The following ADCY1 variants were observed in gnomAD, a reference collection of about 807,000 sequenced individuals.
ADCY1 encodes adenylate cyclase type 1.
A neutral mutation model predicts 105.4 loss-of-function variants in ADCY1; 28 were observed. That is an observed-to-expected ratio of 0.27 (90% CI 0.20 to 0.36). ADCY1 has a LOEUF of 0.36. Among genes scored for constraint, ADCY1 ranks in the 10% least tolerant of loss-of-function variants. ADCY1 has a pLI of 1.00. For missense variants in ADCY1, 977 were observed against 1,434.2 expected (o/e 0.68, Z 5.15); for synonymous variants, 655 against 623.8 (o/e 1.05, Z -0.75).
intron 8 of ADCY1, among the ~76,000 whole-genome samples, chr7:45,675,893 G>A (rs951491991): frequency 6.6e-6 from 1 of 152,058 alleles, no homozygotes; most frequent in Non-Finnish European, 1.5e-5. Flanking sequence ...CAATCTGTAC[G>A]TTTATATCTT....
chr7:45,697,386 CTTT>C lies in ADCY1; in HGVS notation c.2455-5971_2455-5969del, dbSNP rs34522967. Among the ~76,000 whole-genome samples the C allele has an allele frequency of 4.6e-5, 5 of 108,274 alleles. No homozygotes were observed. The East Asian group carries it at 1.2e-3, about 26-fold the overall frequency. The allele number at this position is 108,274 out of a possible 152,430, so 71.0% of individuals were successfully genotyped here. On this transcript the variant is annotated intron_variant, in intron 14 of 19. Transcript: ENST00000297323. ...CACTGTTAGCACGAGCTCTCTTTAC[CTTT>C]TTTTTTTTTTTTTTTTTTGAGGTGG... is the stretch of plus-strand genomic sequence containing the variant.
chr7:45,686,460 C>A lies in ADCY1; in HGVS notation c.2328-87C>A. 2 of 1,521,382 alleles carry A rather than the reference C, an allele frequency of 1.3e-6. No homozygotes were observed. Among genetic ancestry groups the A allele is most frequent in the South Asian group, 2.6e-5 (2 of 76,458 alleles). 94.2% of individuals were successfully genotyped at this position (1,521,382 alleles called of 1,614,324 possible). A position where few individuals can be genotyped will look rare whatever the true frequency, so the allele number is the denominator to read the frequency against. Reference sequence around the variant, plus strand: ...TTTTTGGGTGTCACCACCTGAGGGTCACTCTGAACAGTTCTTGGGTTTGGT... The same window carrying A: ...TTTTTGGGTGTCACCACCTGAGGGTAACTCTGAACAGTTCTTGGGTTTGGT... On this transcript the variant is annotated intron_variant, in intron 13 of 19. Coordinates refer to ENST00000297323, the MANE Select transcript of ADCY1 (RefSeq NM_021116.4). This position sits in a 1 kb window ranked among gnomAD's most constrained non-coding sequence, Gnocchi z 4.3.
chr7:45,661,996 G>T (rs762051644), intron 7 of ADCY1, 63 bp from the exon 8 acceptor site: 28 of 1,561,578 alleles, frequency 1.8e-5, no homozygotes, highest in Non-Finnish European at 2.4e-5. Flanking sequence ...GGCATTCCCA[G>T]TCCGAGAGGC....
chr7:45,583,061 G>C (rs1792607163), intron 1 of ADCY1, among the ~76,000 whole-genome samples: 1 of 152,204 alleles, frequency 6.6e-6, no homozygotes, highest in Non-Finnish European at 1.5e-5. Flanking sequence ...CCAGAGCTCG[G>C]GTGTGACTTC....
At chr7:45,600,927 C>T (rs747519052) in intron 2 of ADCY1, among the ~76,000 whole-genome samples, 22 of 152,200 alleles carry the variant, frequency 1.4e-4, no homozygotes, top group Non-Finnish European at 2.1e-4. Flanking sequence ...TCCCTAAAGG[C>T]CCTATCTTCA....
intron 1 of ADCY1, among the ~76,000 whole-genome samples, chr7:45,581,432 C>T (rs532054069): frequency 6.6e-6 from 1 of 152,336 alleles, no homozygotes; most frequent in African/African-American, 2.4e-5. Flanking sequence ...CAGGCATAGT[C>T]TGTTTAGCCC....
At chr7:45,581,812 C>A (rs764225388) in intron 1 of ADCY1, among the ~76,000 whole-genome samples, 6 of 152,118 alleles carry the variant, frequency 3.9e-5, no homozygotes, top group Non-Finnish European at 7.4e-5. Context: ...CACACATGCT[C>A]ATGCATAAAC....
intron 14 of ADCY1, among the ~76,000 whole-genome samples, chr7:45,690,598 T>A (rs6974374): frequency 6.6e-6 from 1 of 152,022 alleles, no homozygotes. Flanking sequence ...GCCTCCCTGG[T>A]ACAGAACCGG....
rs772403982 is a variant in ADCY1, at chr7:45,592,864, T to G, written c.745T>G (p.Cys249Gly). Residue 249 changes from cysteine to glycine, a missense_variant, in exon 2 of 20, where the codon TGC (cysteine) becomes GGC (glycine). Cys to Gly is a radical substitution (Grantham distance 159). Coordinates refer to ENST00000297323, the MANE Select transcript of ADCY1 (RefSeq NM_021116.4). ...QRKAFLQARS[C>G]IEDRLRLEDE... ...GAAGGCGTTCCTGCAGGCCCGGAGC[T>G]GCATTGAGGACCGACTGAGGCTGGA... is the stretch of plus-strand genomic sequence containing the variant. The G allele has an allele frequency of 7.4e-6, 12 of 1,614,042 alleles. No homozygotes were observed. Among genetic ancestry groups the G allele is most frequent in the Admixed American group, 1.7e-5 (1 of 60,006 alleles).
At chr7:45,653,315 A>C (rs2116081664) in intron 5 of ADCY1, among the ~76,000 whole-genome samples, 1 of 152,340 alleles carries the variant, frequency 6.6e-6, no homozygotes, top group East Asian at 1.9e-4. Flanking sequence ...AGCATTGGAA[A>C]GATGAGGGTG....
At chr7:45,598,360 T>C (rs567650050) in intron 2 of ADCY1, among the ~76,000 whole-genome samples, 3 of 152,322 alleles carry the variant, frequency 2.0e-5, no homozygotes, top group South Asian at 2.1e-4. Context: ...TGAGCTAAAA[T>C]GCTCCAAAGG....
rs567710386 is a variant in ADCY1 at position 45,592,037 on chromosome 7, G to A, written c.640-722G>A. Among the ~76,000 whole-genome samples, 8 of 151,808 alleles carry A rather than the reference G, an allele frequency of 5.3e-5. No homozygotes were observed. The East Asian group carries it at 1.4e-3, about 26-fold the overall frequency. ...ACTGTGTCCCCAAATCAACATCTGG[G>A]CTGTTTTCGTTTTTTGTTTTTTTTT... On this transcript the variant is annotated intron_variant, in intron 1 of 19. Transcript: ENST00000297323.
chr7:45,598,649 AAAAG>A (rs1793139315), intron 2 of ADCY1, among the ~76,000 whole-genome samples: 1 of 152,252 alleles, frequency 6.6e-6, no homozygotes, highest in African/African-American at 2.4e-5. Flanking sequence ...TCCGCAAAGA[AAAAG>A]AAAGCCTGAA....
upstream of ADCY1, chr7:45,574,256 G>A: frequency 1.8e-6 from 1 of 567,676 alleles, no homozygotes; most frequent in Non-Finnish European, 2.2e-6. The surrounding 1 kb of genome is among the most constrained non-coding windows in gnomAD (Gnocchi z 7.0). Flanking sequence ...CGCGGGCTGT[G>A]CGCGCCCAGG....
intron 3 of ADCY1, among the ~76,000 whole-genome samples, chr7:45,621,151 C>A (rs1793877907): frequency 6.6e-6 from 1 of 152,172 alleles, no homozygotes; most frequent in African/African-American, 2.4e-5. Context: ...CTGCAACCTC[C>A]ACCTCCCAGG....
chr7:45,618,185 A>G (rs1051221124), intron 3 of ADCY1, among the ~76,000 whole-genome samples: 10 of 152,224 alleles, frequency 6.6e-5, no homozygotes, highest in African/African-American at 2.2e-4. Flanking sequence ...ATATGCAGAA[A>G]ATGAAACTAG....
chr7:45,716,438 A>C lies in ADCY1; in HGVS notation c.*2443A>C, dbSNP rs1056192787. The C allele has an allele frequency of 6.6e-6, 1 of 152,578 alleles. No homozygotes were observed. The highest frequency in any genetic ancestry group is 2.4e-5 in the African/African-American group (1 of 41,434). The allele number at this position is 152,578 out of a possible 1,614,324, so 9.5% of individuals were successfully genotyped here. A position where few individuals can be genotyped will look rare whatever the true frequency, so the allele number is the denominator to read the frequency against. The stretch of plus-strand genomic sequence containing the variant: ...AGGATTTTCTCATCCTCATCTGTCT[A>C]TCCCAGCCGGATTTAAAGCAGTCAC... On this transcript the variant is annotated 3_prime_UTR_variant, in exon 20 of 20. Transcript: ENST00000297323.
intron 10 of ADCY1, among the ~76,000 whole-genome samples, 185 bp from the exon 11 acceptor site, chr7:45,679,524 C>T (rs897834179): frequency 6.6e-6 from 1 of 152,156 alleles, no homozygotes; most frequent in Non-Finnish European, 1.5e-5. Context: ...AGATGCCCTG[C>T]CCTAAAAAAT....
intron 4 of ADCY1, 77 bp downstream of exon 4, chr7:45,622,820 G>A: frequency 2.5e-6 from 3 of 1,177,194 alleles, no homozygotes; most frequent in Non-Finnish European, 3.7e-6. Context: ...TGGATTCCCT[G>A]TATTTGGACC....
Sources: gnomAD v4.1 joint callset for allele counts (sites outside exome capture counted in the v4.1 genomes callset) on GRCh38, gnomAD v4.1.1 for gene constraint, Gnocchi (gnomAD v3.1) non-coding constraint, MANE v1.5 for transcripts, NCBI Gene and HGNC (gene_info 2026-07-23, HGNC 2026-07-21) for gene names.